Variants in KCNIP4 observed in about 807,000 individuals in gnomAD.
KCNIP4 encodes the protein potassium voltage-gated channel interacting protein 4.
In KCNIP4, 12 loss-of-function variants were observed where a neutral mutation model predicts 34.0. The ratio of observed to expected loss-of-function variants is 0.35; its 90% CI spans 0.23 to 0.57. The LOEUF (loss-of-function observed/expected upper bound fraction) is 0.57, where lower values mean the gene tolerates loss of function less well. Among genes scored for constraint, KCNIP4 ranks in the 20% least tolerant of loss-of-function variants. KCNIP4 has a pLI of 0.83. For synonymous variants in KCNIP4, 124 were observed against 102.2 expected (o/e 1.21, Z -1.29); for missense variants, 238 against 311.7 (o/e 0.76, Z 1.78).
intron 1 of KCNIP4, among the ~76,000 whole-genome samples, chr4:21,456,003 T>C (rs1728928685): frequency 6.9e-6 from 1 of 145,594 alleles, no homozygotes. Flanking sequence ...CTAGTCCTCC[T>C]TCCATCGTAT....
intron 1 of KCNIP4, among the ~76,000 whole-genome samples, chr4:21,323,348 T>C (rs1714699850): frequency 6.6e-6 from 1 of 152,034 alleles, no homozygotes; most frequent in Admixed American, 6.6e-5. Context: ...TATCAAATAC[T>C]AGACCTTACT....
At chr4:20,925,456 G>A (rs955925936) in intron 1 of KCNIP4, among the ~76,000 whole-genome samples, 2 of 152,138 alleles carry the variant, frequency 1.3e-5, no homozygotes. Context: ...ATGCCATGAC[G>A]ACATCAGGAA....
chr4:20,749,873 C>G (rs1009586359), intron 4 of KCNIP4, 141 bp from the exon 5 acceptor site: 1 of 543,278 alleles, frequency 1.8e-6, no homozygotes, highest in Admixed American at 3.1e-5. Context: ...ACTGCTTACC[C>G]TCTTTCTGTA....
intron 1 of KCNIP4, among the ~76,000 whole-genome samples, chr4:21,619,082 G>A (rs572132949): frequency 8.5e-5 from 13 of 152,072 alleles, no homozygotes; most frequent in Non-Finnish European, 1.6e-4. Context: ...CCCGATAAGT[G>A]AGACTCAATA....
rs1050402797 is a variant in KCNIP4, at chr4:21,030,960, C to G, written c.62-148251G>C. ...TTCAGAGCTACAGCTGTCCATGGCTCTGCTTGAGGGTGTTCCCCAGGCCCA... is the reference window on the plus strand; with the variant it reads ...TTCAGAGCTACAGCTGTCCATGGCTGTGCTTGAGGGTGTTCCCCAGGCCCA... On this transcript the variant is annotated intron_variant, in intron 1 of 8. Coordinates refer to ENST00000382152, the MANE Select transcript of KCNIP4 (RefSeq NM_025221.6). Among the ~76,000 whole-genome samples the G allele has an allele frequency of 3.1e-4, 47 of 152,156 alleles. 1 individual carries two copies. The highest frequency in any genetic ancestry group is 3.1e-3 in the Admixed American group (47 of 15,276).
At chr4:21,202,073 C>A (rs994740036) in intron 1 of KCNIP4, among the ~76,000 whole-genome samples, 45 of 152,148 alleles carry the variant, frequency 3.0e-4, no homozygotes. Context: ...TCTCAAAGAA[C>A]GAAGAGTTGA....
At chr4:21,280,427 A>T (rs975159285) in intron 1 of KCNIP4, among the ~76,000 whole-genome samples, 22 of 152,202 alleles carry the variant, frequency 1.4e-4, no homozygotes, top group African/African-American at 4.3e-4. Flanking sequence ...GTACAATAGA[A>T]AACAAGCACC....
chr4:21,725,530 T>C (rs996577756), intron 1 of KCNIP4, among the ~76,000 whole-genome samples: 2 of 152,170 alleles, frequency 1.3e-5, no homozygotes, highest in East Asian at 1.9e-4. Flanking sequence ...GGCAGAATGA[T>C]AGACATAAGC....
At chr4:21,069,242 G>A (rs1004116103) in intron 1 of KCNIP4, among the ~76,000 whole-genome samples, 4 of 150,642 alleles carry the variant, frequency 2.7e-5, no homozygotes, top group Middle Eastern at 3.4e-3. Context: ...TTTTTTTAAC[G>A]TGTGCTGCTT....
intron 1 of KCNIP4, among the ~76,000 whole-genome samples, chr4:21,103,865 G>A (rs1748209128): frequency 6.6e-6 from 1 of 151,290 alleles, no homozygotes. Flanking sequence ...ATAGTTTACT[G>A]AGAATGATGA....
intron 1 of KCNIP4, among the ~76,000 whole-genome samples, chr4:21,237,714 G>T (rs1759472404): frequency 6.6e-6 from 1 of 152,216 alleles, no homozygotes; most frequent in South Asian, 2.1e-4. Flanking sequence ...CCAATAACAG[G>T]CTCTGAAATT....
At chr4:21,012,719 G>A (rs1230500746) in intron 1 of KCNIP4, among the ~76,000 whole-genome samples, 1 of 152,210 alleles carries the variant, frequency 6.6e-6, no homozygotes, top group Admixed American at 6.5e-5. Context: ...CAAAGAAGGA[G>A]TTTGTAGATC....
At chr4:21,283,715 G>A (rs1263443768) in intron 1 of KCNIP4, among the ~76,000 whole-genome samples, 2 of 150,580 alleles carry the variant, frequency 1.3e-5, no homozygotes, top group Non-Finnish European at 3.0e-5. Context: ...ACGAGTTAAT[G>A]GGTGCAGCAC....
At position 21,297,650 on chromosome 4, in the gene KCNIP4, G is replaced by T. The variant is rs189948680; in HGVS notation, c.62-414941C>A. ...CTATAAGATGATCAATTTGAAACTGGCAGTTTCTGCAGGATGTTTTGTTCT... is the reference window on the plus strand; with the variant it reads ...CTATAAGATGATCAATTTGAAACTGTCAGTTTCTGCAGGATGTTTTGTTCT... On this transcript the variant is annotated intron_variant, in intron 1 of 8. Transcript: ENST00000382152. Among the ~76,000 whole-genome samples, 447 of 152,122 alleles carry T rather than the reference G, an allele frequency of 2.9e-3. 3 individuals are homozygous for T. Among genetic ancestry groups the T allele is most frequent in the African/African-American group, 9.9e-3 (410 of 41,502 alleles).
intron 5 of KCNIP4, among the ~76,000 whole-genome samples, chr4:20,748,027 G>A (rs1560430214): frequency 1.3e-5 from 2 of 151,920 alleles, no homozygotes; most frequent in Non-Finnish European, 2.9e-5. Flanking sequence ...TGGAGTTCAG[G>A]CTTTTATCAG....
chr4:21,602,571 CAT>C (rs796385080), intron 1 of KCNIP4, among the ~76,000 whole-genome samples: 1 of 152,198 alleles, frequency 6.6e-6, no homozygotes, highest in Non-Finnish European at 1.5e-5. Flanking sequence ...GATACACACA[CAT>C]AAGGTATGAA....
chr4:21,069,669 A>T (rs533227886), intron 1 of KCNIP4, among the ~76,000 whole-genome samples: 1 of 152,224 alleles, frequency 6.6e-6, no homozygotes, highest in South Asian at 2.1e-4. Flanking sequence ...GACAATGACC[A>T]AGCTTATGGG....
intron 3 of KCNIP4, among the ~76,000 whole-genome samples, chr4:20,817,043 A>G (rs996537363): frequency 5.9e-5 from 9 of 152,200 alleles, no homozygotes; most frequent in African/African-American, 2.2e-4. Flanking sequence ...ATTTTATTCA[A>G]TCCAAACATG....
intron 1 of KCNIP4, among the ~76,000 whole-genome samples, chr4:21,731,284 G>A (rs919861238): frequency 3.3e-5 from 5 of 151,966 alleles, no homozygotes; most frequent in African/African-American, 9.7e-5. Context: ...TCAAGAGAAG[G>A]TACATACACA....
Sources: gnomAD v4.1 joint callset for allele counts (sites outside exome capture counted in the v4.1 genomes callset) on GRCh38, gnomAD v4.1.1 for gene constraint, MANE v1.5 for transcripts, NCBI Gene and HGNC (gene_info 2026-07-23, HGNC 2026-07-21) for gene names.